INTS8: variants seen among roughly 807,000 people sequenced by gnomAD.
The protein encoded by INTS8 is integrator complex subunit 8.
Under a neutral mutation model 138.9 loss-of-function variants are expected in INTS8, and 47 were observed. The ratio of observed to expected loss-of-function variants is 0.34; its 90% CI spans 0.27 to 0.43. INTS8 has a LOEUF of 0.43. Among genes scored for constraint, INTS8 ranks in the 20% least tolerant of loss-of-function variants. INTS8 has a pLI of 1.00. For missense variants in INTS8, 996 were observed against 1,173.0 expected (o/e 0.85, Z 2.20); for synonymous variants, 392 against 400.9 (o/e 0.98, Z 0.27).
At chr8:94,832,222 TTAATA>T in intron 6 of INTS8, 48 bp downstream of exon 6, 1 of 1,374,464 alleles carries the variant, frequency 7.3e-7, no homozygotes, top group Non-Finnish European at 1.0e-6. Context: ...TTGGAAAATC[TTAATA>T]TGAGATCATC....
rs548409468 is a variant in INTS8 at position 94,874,614 on chromosome 8, ATAT to A, written c.2688+16_2688+18del. The A allele has an allele frequency of 8.8e-4, 1,310 of 1,496,982 alleles. 7 individuals are homozygous for A. In the African/African-American group the frequency reaches 0.016, roughly 18 times the overall value. The allele number at this position is 1,496,982 out of a possible 1,614,324, so 92.7% of individuals were successfully genotyped here. ...ATTGCCACACACAGGTTAGTTTATA[ATAT>A]TATGAAGTTGTTTTATTTTTACATA... On this transcript the variant is annotated intron_variant, in intron 23 of 26. Coordinates refer to ENST00000523731, the MANE Select transcript of INTS8 (RefSeq NM_017864.4).
At position 94,824,972 on chromosome 8, in the gene INTS8, A is replaced by C. The variant is rs151102552; in HGVS notation, c.210A>C (p.Gln70His). The C allele has an allele frequency of 2.5e-6, 4 of 1,612,808 alleles. No homozygotes were observed. The East Asian group carries it at 6.7e-5, about 27-fold the overall frequency. The part of the protein sequence containing the change: ...KPSVNEQNQV[Q>H]PPPDNKRNRI... ...CAGTTAATGAACAAAACCAAGTTCA[A>C]CCTCCGCCTGATAACAAGAGAAATC... Residue 70 changes from glutamine (Q) to histidine (H), a missense_variant, in exon 2 of 27, where the codon CAA becomes CAC. Gln to His is a conservative substitution (Grantham distance 24, BLOSUM62 0). Coordinates refer to ENST00000523731, the MANE Select transcript of INTS8 (RefSeq NM_017864.4).
intron 1 of INTS8, among the ~76,000 whole-genome samples, chr8:94,824,121 G>A (rs1292734210): frequency 6.6e-6 from 1 of 152,228 alleles, no homozygotes; most frequent in Non-Finnish European, 1.5e-5. Flanking sequence ...GTATAGTGAT[G>A]ATAATGATTA....
intron 20 of INTS8, among the ~76,000 whole-genome samples, chr8:94,871,242 A>G (rs1816384498): frequency 6.6e-6 from 1 of 151,754 alleles, no homozygotes; most frequent in Non-Finnish European, 1.5e-5. Flanking sequence ...TGAGATGGGC[A>G]GATTGGCTGA....
At chr8:94,846,055 T>A (rs1586490178) in intron 10 of INTS8, among the ~76,000 whole-genome samples, 1 of 152,188 alleles carries the variant, frequency 6.6e-6, no homozygotes, top group East Asian at 1.9e-4. Flanking sequence ...AATTTTTCCA[T>A]AGAAGTCTTA....
intron 16 of INTS8, among the ~76,000 whole-genome samples, chr8:94,863,453 A>G (rs1386757197): frequency 6.6e-6 from 1 of 152,148 alleles, no homozygotes; most frequent in Non-Finnish European, 1.5e-5. Flanking sequence ...TGAGTAAATC[A>G]CTTCCTCTTC....
At chr8:94,833,399 A>G (rs970943702) in intron 6 of INTS8, among the ~76,000 whole-genome samples, 9 of 150,736 alleles carry the variant, frequency 6.0e-5, no homozygotes, top group Non-Finnish European at 1.2e-4. Context: ...TTTTTTTTTT[A>G]TAGAGACAGG....
At chr8:94,839,109 T>C (rs757724154) in intron 8 of INTS8, among the ~76,000 whole-genome samples, 5 of 152,182 alleles carry the variant, frequency 3.3e-5, no homozygotes, top group Non-Finnish European at 5.9e-5. Flanking sequence ...ATAGTAAGAC[T>C]GAAGGAGAAA....
intron 8 of INTS8, among the ~76,000 whole-genome samples, chr8:94,838,929 T>A (rs1404706853): frequency 6.6e-6 from 1 of 152,252 alleles, no homozygotes; most frequent in Non-Finnish European, 1.5e-5. Flanking sequence ...AGCAGAACTT[T>A]TAACATTTAA....
At chr8:94,872,198 T>G (rs1295644182) in intron 21 of INTS8, among the ~76,000 whole-genome samples, 196 bp downstream of exon 21, 1 of 152,196 alleles carries the variant, frequency 6.6e-6, no homozygotes, top group African/African-American at 2.4e-5. Flanking sequence ...AACTTTACGT[T>G]GACTACCTTT....
At chr8:94,827,887 T>A in intron 4 of INTS8, 94 bp downstream of exon 4, 1 of 1,047,372 alleles carries the variant, frequency 9.5e-7, no homozygotes, top group Non-Finnish European at 1.5e-6. Context: ...ATAGAAGAAG[T>A]AGAGCAGGAA....
At chr8:94,862,229 A>G (rs574704875) in intron 16 of INTS8, among the ~76,000 whole-genome samples, 95 of 152,326 alleles carry the variant, frequency 6.2e-4, no homozygotes, top group African/African-American at 2.2e-3. Context: ...GGCATAAGCC[A>G]CCGTGCCCGA....
chr8:94,847,282 T>G (rs1341920111), intron 10 of INTS8, among the ~76,000 whole-genome samples: 2 of 152,168 alleles, frequency 1.3e-5, no homozygotes, highest in African/African-American at 2.4e-5. Flanking sequence ...CCTCAAGTGA[T>G]CCTCCCACCT....
chr8:94,858,253 A>G (rs1297754310), intron 15 of INTS8, among the ~76,000 whole-genome samples: 1 of 152,264 alleles, frequency 6.6e-6, no homozygotes, highest in Non-Finnish European at 1.5e-5. Context: ...GTGTCAGAAC[A>G]GAAGCAAGTG....
rs1397186940 is a variant in INTS8 at position 94,832,302 on chromosome 8, TATTTA to T, written c.753+134_753+138del. On this transcript the variant is annotated intron_variant, in intron 6 of 26. Coordinates refer to ENST00000523731, the MANE Select transcript of INTS8 (RefSeq NM_017864.4). ...TTAAGATGCTATTAAAACTGCATTGTATTTAATTTATACATTTATAAGATTTGACA... is the reference window on the plus strand; with the variant it reads ...TTAAGATGCTATTAAAACTGCATTGTATTTATACATTTATAAGATTTGACA... 6 of 654,674 alleles carry T rather than the reference TATTTA, an allele frequency of 9.2e-6. No individual in the cohort carries two copies. The East Asian group carries it at 1.7e-4, about 19-fold the overall frequency. The allele number at this position is 654,674 out of a possible 1,614,324, so 40.6% of individuals were successfully genotyped here. A position where few individuals can be genotyped will look rare whatever the true frequency, so the allele number is the denominator to read the frequency against.
At chr8:94,854,999 G>C (rs1421621246) in intron 14 of INTS8, among the ~76,000 whole-genome samples, 1 of 149,346 alleles carries the variant, frequency 6.7e-6, no homozygotes, top group Non-Finnish European at 1.5e-5. Flanking sequence ...TTCCACATCA[G>C]CCTCCCAAAG....
chr8:94,854,602 T>TGCAG (rs1815677743), intron 14 of INTS8, among the ~76,000 whole-genome samples: 1 of 152,240 alleles, frequency 6.6e-6, no homozygotes, highest in Non-Finnish European at 1.5e-5. Flanking sequence ...CATAAGATAG[T>TGCAG]GCAGTTGCGT....
intron 9 of INTS8, 146 bp from the exon 10 acceptor site, chr8:94,842,201 T>C: frequency 2.3e-6 from 1 of 434,564 alleles, no homozygotes; most frequent in Non-Finnish European, 4.0e-6. Context: ...CCCCATGATT[T>C]GGTATATATT....
At chr8:94,838,139 C>A (rs1254361009) in intron 7 of INTS8, among the ~76,000 whole-genome samples, 1 of 151,468 alleles carries the variant, frequency 6.6e-6, no homozygotes, top group African/African-American at 2.4e-5. Flanking sequence ...CTCCACCTCT[C>A]CTCCCGGGCT....
Sources: gnomAD v4.1 joint callset for allele counts (sites outside exome capture counted in the v4.1 genomes callset) on GRCh38, gnomAD v4.1.1 for gene constraint, MANE v1.5 for transcripts, NCBI Gene and HGNC (gene_info 2026-07-23, HGNC 2026-07-21) for gene names.